Variants in RNF19A observed in about 807,000 individuals in gnomAD.
RNF19A encodes ring finger protein 19A, RBR E3 ubiquitin protein ligase, also known as E3 ubiquitin-protein ligase RNF19A.
In RNF19A, 32 loss-of-function variants were observed where a neutral mutation model predicts 75.7. The observed-to-expected ratio is 0.42, with a 90% CI of 0.32 to 0.57. The LOEUF is 0.57. Ranked by LOEUF, RNF19A falls within the 20% of genes least tolerant of loss-of-function variation. The pLI is 0.10. For missense variants in RNF19A, 782 were observed against 1,036.3 expected (o/e 0.75, Z 3.37); for synonymous variants, 335 against 345.2 (o/e 0.97, Z 0.33).
chr8:100,327,324 T>G (rs1464220896), intron 1 of RNF19A, among the ~76,000 whole-genome samples: 1 of 141,272 alleles, frequency 7.1e-6, no homozygotes, highest in Non-Finnish European at 1.5e-5. Flanking sequence ...TGATCTTGGC[T>G]CACTGCAACC....
At chr8:100,295,439 T>G (rs1242404384) in intron 1 of RNF19A, among the ~76,000 whole-genome samples, 1 of 152,164 alleles carries the variant, frequency 6.6e-6, no homozygotes, top group Admixed American at 6.6e-5. Flanking sequence ...AGAATATTCA[T>G]TTTGCTCACT....
intron 2 of RNF19A, among the ~76,000 whole-genome samples, chr8:100,280,409 G>A (rs1386204898): frequency 5.3e-5 from 8 of 152,088 alleles, no homozygotes; most frequent in Admixed American, 1.3e-4. Context: ...GTAGGGTTAC[G>A]GGGGTAGAGA....
rs552615503 is a variant in RNF19A at position 100,261,103 on chromosome 8, C to CT, written c.1682+438dup. On this transcript the variant is annotated intron_variant, in intron 8 of 9. Coordinates refer to ENST00000341084, the MANE Select transcript of RNF19A (RefSeq NM_183419.4). The surrounding 1 kb of genome is among the most constrained non-coding windows in gnomAD (Gnocchi z 4.4). Reference sequence around the variant, plus strand: ...CTTAGAAATCTACCACCAAATTTTTCTTTTTTTTTTTGAGACAGGGTCTCA... The same window carrying CT: ...CTTAGAAATCTACCACCAAATTTTTCTTTTTTTTTTTTGAGACAGGGTCTCA... Among the ~76,000 whole-genome samples the CT allele has an allele frequency of 2.2e-3, 327 of 146,180 alleles. 3 individuals are homozygous for CT. The highest frequency in any genetic ancestry group is 0.02 in the South Asian group (94 of 4,612).
chr8:100,263,834 T>A (rs1819840146), intron 7 of RNF19A, among the ~76,000 whole-genome samples, 200 bp downstream of exon 7: 1 of 152,258 alleles, frequency 6.6e-6, no homozygotes, highest in East Asian at 1.9e-4. Flanking sequence ...CAATTAGAGG[T>A]CAGATACCCA....
intron 1 of RNF19A, among the ~76,000 whole-genome samples, chr8:100,298,539 T>C (rs1359904430): frequency 6.6e-6 from 1 of 152,208 alleles, no homozygotes; most frequent in African/African-American, 2.4e-5. Flanking sequence ...TCTTGGGTTC[T>C]AGCCTTAAGA....
intron 3 of RNF19A, among the ~76,000 whole-genome samples, chr8:100,274,175 G>C (rs769651785): frequency 3.1e-4 from 47 of 152,180 alleles, no homozygotes; most frequent in Non-Finnish European, 6.2e-4. Context: ...CAGGCAGTCT[G>C]ATTCCAGAGT....
At position 100,333,940 on chromosome 8, in the gene RNF19A, T is replaced by G. The variant is rs184875514; in HGVS notation, c.-243+2168A>C. Among the ~76,000 whole-genome samples the G allele has an allele frequency of 6.6e-6, 1 of 152,358 alleles. No individual in the cohort carries two copies. Among genetic ancestry groups the G allele is most frequent in the Admixed American group, 6.5e-5 (1 of 15,304 alleles). On this transcript the variant is annotated intron_variant, in intron 1 of 3. Transcript: ENST00000519527. The surrounding 1 kb of genome is among the most constrained non-coding windows in gnomAD (Gnocchi z 4.7). ...AGTCTAGTACCCCGATATTCTAACTTTGGCCCCACTCTACTGAAATTATCC... is the reference window on the plus strand; with the variant it reads ...AGTCTAGTACCCCGATATTCTAACTGTGGCCCCACTCTACTGAAATTATCC...
intron 2 of RNF19A, among the ~76,000 whole-genome samples, chr8:100,279,299 C>T (rs1452888213): frequency 6.6e-6 from 1 of 152,088 alleles, no homozygotes; most frequent in Non-Finnish European, 1.5e-5. Flanking sequence ...AAACTAATAG[C>T]TGGTAGTGTA....
chr8:100,318,768 G>T (rs1314342879), intron 1 of RNF19A, among the ~76,000 whole-genome samples: 1 of 152,174 alleles, frequency 6.6e-6, no homozygotes, highest in East Asian at 1.9e-4. Context: ...ACTCACTACC[G>T]GATTTACATA....
At chr8:100,316,809 T>G (rs1168474604) in intron 1 of RNF19A, among the ~76,000 whole-genome samples, 1 of 152,338 alleles carries the variant, frequency 6.6e-6, no homozygotes, top group South Asian at 2.1e-4. Context: ...TGGGATTGGC[T>G]GCCGTGGAGC....
intron 2 of RNF19A, among the ~76,000 whole-genome samples, chr8:100,278,847 C>A (rs1347423916): frequency 1.3e-5 from 2 of 151,990 alleles, no homozygotes; most frequent in Non-Finnish European, 2.9e-5. Flanking sequence ...AGAACATCAA[C>A]CTCGCCGTTT....
At chr8:100,304,497 C>A (rs368674411) in intron 1 of RNF19A, among the ~76,000 whole-genome samples, 6 of 152,316 alleles carry the variant, frequency 3.9e-5, no homozygotes, top group African/African-American at 1.4e-4. Context: ...TTCCCACCCC[C>A]ACTTACGCAC....
intron 1 of RNF19A, among the ~76,000 whole-genome samples, chr8:100,289,495 G>A (rs531383695): frequency 8.8e-4 from 134 of 152,200 alleles, no homozygotes; most frequent in African/African-American, 3.0e-3. Context: ...CAATCCAATA[G>A]AAAAACGGGC....
Position 100,275,893 on chromosome 8 carries a change from G to A in RNF19A, c.675-732C>T, listed in dbSNP as rs1380457544. On this transcript the variant is annotated intron_variant, in intron 2 of 9. Coordinates refer to ENST00000341084, the MANE Select transcript of RNF19A (RefSeq NM_183419.4). This position sits in a 1 kb window ranked among gnomAD's most constrained non-coding sequence, Gnocchi z 4.3. ...TTTGTGATAATTTTGTATGTATGCA[G>A]AAGTCACACATTTTTCTTCCTAAGA... is the stretch of plus-strand genomic sequence containing the variant. Among the ~76,000 whole-genome samples, 2 of 152,072 alleles carry A rather than the reference G, an allele frequency of 1.3e-5. No individual in the cohort carries two copies. Among genetic ancestry groups the A allele is most frequent in the African/African-American group, 4.8e-5 (2 of 41,418 alleles).
At chr8:100,280,767 T>C (rs781574609) in intron 2 of RNF19A, among the ~76,000 whole-genome samples, 3 of 152,344 alleles carry the variant, frequency 2.0e-5, no homozygotes, top group Non-Finnish European at 4.4e-5. Flanking sequence ...TTCTGTAATA[T>C]ATCAAGGAAT....
intron 5 of RNF19A, among the ~76,000 whole-genome samples, chr8:100,267,717 C>G (rs1820051149): frequency 6.8e-6 from 1 of 147,246 alleles, no homozygotes; most frequent in Non-Finnish European, 1.5e-5. Context: ...GCTCTTGTTG[C>G]CTAGGATGGA....
At chr8:100,285,197 T>C (rs1375218715) in intron 2 of RNF19A, among the ~76,000 whole-genome samples, 1 of 152,210 alleles carries the variant, frequency 6.6e-6, no homozygotes, top group African/African-American at 2.4e-5. Flanking sequence ...GTGTGTTCAA[T>C]TTTAATACAC....
At chr8:100,288,719 C>T (rs1821147643) in intron 1 of RNF19A, among the ~76,000 whole-genome samples, 1 of 152,116 alleles carries the variant, frequency 6.6e-6, no homozygotes, top group Admixed American at 6.5e-5. Context: ...GTGTGCTATG[C>T]CACAAGGATG....
intron 1 of RNF19A, chr8:100,309,530 A>G: frequency 1.0e-6 from 1 of 985,340 alleles, no homozygotes; most frequent in Non-Finnish European, 1.2e-6. Context: ...CCGTCATAAT[A>G]TCGCCGGGCC....
Sources: allele counts gnomAD v4.1 joint callset (sites outside exome capture counted in the v4.1 genomes callset), GRCh38; gene constraint gnomAD v4.1.1; non-coding constraint Gnocchi (gnomAD v3.1); transcripts MANE v1.5; gene names NCBI Gene and HGNC (gene_info 2026-07-23, HGNC 2026-07-21).